Variants in CDKAL1 observed in about 807,000 individuals in gnomAD.
The protein encoded by CDKAL1 is CDKAL1 threonylcarbamoyladenosine tRNA methylthiotransferase.
CDKAL1 carries 32 observed loss-of-function variants against 68.2 expected under a neutral mutation model. The ratio of observed to expected loss-of-function variants is 0.47; its 90% CI spans 0.35 to 0.63. The LOEUF (loss-of-function observed/expected upper bound fraction) is 0.63. Ranked by LOEUF, CDKAL1 falls within the 30% of genes least tolerant of loss-of-function variation. CDKAL1 has a pLI of 0.00. For missense variants in CDKAL1, 606 were observed against 696.7 expected, an observed-to-expected ratio of 0.87 and a Z score of 1.47; for synonymous variants, 234 against 244.3, an observed-to-expected ratio of 0.96 and a Z score of 0.39.
chr6:20,949,976 G>A (rs564865688), intron 9 of CDKAL1, among the ~76,000 whole-genome samples: 108 of 152,150 alleles, frequency 7.1e-4, no homozygotes, highest in African/African-American at 2.5e-3. Context: ...TTTTAGTAGA[G>A]ACGAGGTTTC....
chr6:20,544,217 G>T (rs1763497472), intron 2 of CDKAL1, among the ~76,000 whole-genome samples: 1 of 151,506 alleles, frequency 6.6e-6, no homozygotes, highest in Non-Finnish European at 1.5e-5. Flanking sequence ...TCTGTTTCTG[G>T]GTTTTCTGTT....
intron 13 of CDKAL1, among the ~76,000 whole-genome samples, chr6:21,125,814 C>A (rs1774979854): frequency 6.6e-6 from 1 of 152,274 alleles, no homozygotes; most frequent in Non-Finnish European, 1.5e-5. Context: ...GCTCTCCTGT[C>A]TTCCTCTACT....
intron 6 of CDKAL1, among the ~76,000 whole-genome samples, chr6:20,742,351 AT>A (rs1256907313): frequency 8.0e-6 from 1 of 124,260 alleles, no homozygotes; most frequent in Non-Finnish European, 1.7e-5. Flanking sequence ...GGTTTATCTT[AT>A]TTTGTTCATT....
chr6:20,584,990 T>C (rs1478297954), intron 4 of CDKAL1, among the ~76,000 whole-genome samples: 3 of 146,278 alleles, frequency 2.1e-5, no homozygotes, highest in African/African-American at 7.4e-5. Context: ...ATCATTTTCC[T>C]TCTTTGCTGG....
At chr6:21,139,106 C>A (rs376855067) in intron 13 of CDKAL1, among the ~76,000 whole-genome samples, 2 of 152,328 alleles carry the variant, frequency 1.3e-5, no homozygotes, top group African/African-American at 4.8e-5. Context: ...AAAGTATTAG[C>A]TACTAATTGT....
chr6:20,681,916 C>A (rs961009204), intron 5 of CDKAL1, among the ~76,000 whole-genome samples: 27 of 152,244 alleles, frequency 1.8e-4, no homozygotes, highest in African/African-American at 6.3e-4. Context: ...CTGGGAATTC[C>A]AAGAATAAGA....
At chr6:20,843,768 C>T (rs1778267276) in intron 8 of CDKAL1, among the ~76,000 whole-genome samples, 1 of 152,080 alleles carries the variant, frequency 6.6e-6, no homozygotes, top group Non-Finnish European at 1.5e-5. Flanking sequence ...CCAATAGCTT[C>T]CATTAAGATT....
intron 9 of CDKAL1, among the ~76,000 whole-genome samples, chr6:20,931,706 C>T (rs1056776262): frequency 5.3e-5 from 8 of 152,178 alleles, no homozygotes; most frequent in African/African-American, 1.7e-4. Flanking sequence ...CTGCCTCATG[C>T]CTTTCCTTCC....
intron 5 of CDKAL1, among the ~76,000 whole-genome samples, chr6:20,729,622 C>A (rs184557062): frequency 3.5e-4 from 53 of 152,226 alleles, no homozygotes; most frequent in African/African-American, 1.2e-3. Context: ...AACATTTAAC[C>A]CTCACGACAA....
At chr6:20,893,529 G>A (rs1761519873) in intron 9 of CDKAL1, among the ~76,000 whole-genome samples, 1 of 152,108 alleles carries the variant, frequency 6.6e-6, no homozygotes, top group Non-Finnish European at 1.5e-5. Context: ...GTGTAAATAT[G>A]TCATTGCATA....
chr6:20,847,646 C>T (rs926452389), intron 9 of CDKAL1, among the ~76,000 whole-genome samples: 7 of 152,154 alleles, frequency 4.6e-5, no homozygotes, highest in South Asian at 2.1e-4. Flanking sequence ...CCTCTTCACT[C>T]GCTTACATCT....
At chr6:20,828,997 A>G (rs1050976317) in intron 8 of CDKAL1, among the ~76,000 whole-genome samples, 7 of 152,194 alleles carry the variant, frequency 4.6e-5, no homozygotes, top group Non-Finnish European at 8.8e-5. Flanking sequence ...AGATTTATCC[A>G]TTGTGTAACA....
At chr6:20,760,417 C>T (rs541168058) in intron 7 of CDKAL1, among the ~76,000 whole-genome samples, 7 of 152,274 alleles carry the variant, frequency 4.6e-5, no homozygotes, top group African/African-American at 1.4e-4. Flanking sequence ...TATTGTGTAC[C>T]TACAGTGTGA....
intron 6 of CDKAL1, among the ~76,000 whole-genome samples, chr6:20,742,339 T>C (rs549635302): frequency 2.0e-4 from 29 of 148,152 alleles, no homozygotes; most frequent in Non-Finnish European, 3.3e-4. Flanking sequence ...TAGTAGTCTT[T>C]AGGTTTATCT....
At position 20,536,584 on chromosome 6, in the gene CDKAL1, G is replaced by A. The variant is rs935089085; in HGVS notation, c.-6+1190G>A. On this transcript the variant is annotated intron_variant, in intron 2 of 15. Transcript: ENST00000274695. The stretch of plus-strand genomic sequence containing the variant: ...TGGTTTTTATGAAAGAATAATTCTG[G>A]GACAGTGATTATCAAACTTTAATTC... Among the ~76,000 whole-genome samples the A allele has an allele frequency of 2.0e-5, 3 of 151,972 alleles. No homozygotes were observed. In the East Asian group the frequency reaches 5.8e-4, roughly 29 times the overall value.
At chr6:20,586,587 G>A (rs781514692) in intron 4 of CDKAL1, among the ~76,000 whole-genome samples, 10 of 152,076 alleles carry the variant, frequency 6.6e-5, no homozygotes, top group Non-Finnish European at 1.3e-4. Flanking sequence ...GCAGTGAGCC[G>A]AGATCACGCC....
At chr6:20,853,503 C>G (rs1052280322) in intron 9 of CDKAL1, among the ~76,000 whole-genome samples, 1 of 151,942 alleles carries the variant, frequency 6.6e-6, no homozygotes, top group Non-Finnish European at 1.5e-5. Context: ...TTCTTCATGG[C>G]AGAACTTCTG....
chr6:20,700,154 A>AT (rs982744610), intron 5 of CDKAL1, among the ~76,000 whole-genome samples: 39 of 151,440 alleles, frequency 2.6e-4, no homozygotes, highest in African/African-American at 9.0e-4. Flanking sequence ...AACTGAATTT[A>AT]TTTTTTCCAC....
At chr6:21,052,664 C>T (rs1433972488) in intron 11 of CDKAL1, among the ~76,000 whole-genome samples, 7 of 151,364 alleles carry the variant, frequency 4.6e-5, no homozygotes, top group Non-Finnish European at 7.4e-5. Flanking sequence ...TGAGCTACCA[C>T]ACCTGGTCCT....
Sources: gnomAD v4.1 joint callset for allele counts (sites outside exome capture counted in the v4.1 genomes callset) on GRCh38, gnomAD v4.1.1 for gene constraint, MANE v1.5 for transcripts, NCBI Gene and HGNC (gene_info 2026-07-23, HGNC 2026-07-21) for gene names.